ADAMTS18: variants seen among roughly 807,000 people sequenced by gnomAD.
The protein encoded by ADAMTS18 is ADAM metallopeptidase with thrombospondin type 1 motif 18.
A neutral mutation model predicts 165.9 loss-of-function variants in ADAMTS18; 157 were observed. The observed-to-expected ratio is 0.95, with a 90% confidence interval of 0.83 to 1.08. The LOEUF (loss-of-function observed/expected upper bound fraction) is 1.08, where lower values mean the gene tolerates loss of function less well. ADAMTS18 is among the 50% of genes least tolerant of loss of function. The probability of loss-of-function intolerance (pLI) is 0.00; values close to 1 mark genes in which losing one functional copy is unlikely to be tolerated. For missense variants in ADAMTS18, 2,040 were observed against 1,534.0 expected, an observed-to-expected ratio of 1.33 and a Z score of -5.51; for synonymous variants, 782 against 578.2, an observed-to-expected ratio of 1.35 and a Z score of -5.06.
At position 77,335,893 on chromosome 16, in the gene ADAMTS18, T is replaced by G. The variant is rs1244375107; in HGVS notation, c.1722A>C (p.Gln574His). The G allele has an allele frequency of 6.2e-7, 1 of 1,614,086 alleles. No homozygotes were observed. Among genetic ancestry groups the G allele is most frequent in the African/African-American group, 1.3e-5 (1 of 74,932 alleles). Residue 574 changes from glutamine (Q) to histidine (H), a missense_variant, in exon 12 of 23, where the codon CAA becomes CAC. Transcript: ENST00000282849. ...TVCGLSMWCRQGQCVKFGELG... is the reference protein window; with the variant it reads ...TVCGLSMWCRHGQCVKFGELG... The stretch of plus-strand genomic sequence containing the variant: ...GCTCCCCAAACTTTACGCACTGGCC[T>G]TGCCGACACCACTGTGAAAAGAACG...
Position 77,364,227 on chromosome 16 carries a change from C to T in ADAMTS18, c.933G>A (p.Lys311=). 1 of 1,614,042 alleles carries T rather than the reference C, an allele frequency of 6.2e-7. No homozygotes were observed. Among genetic ancestry groups the T allele is most frequent in the Non-Finnish European group, 8.5e-7 (1 of 1,180,004 alleles). The change falls in exon 5 of 23, where the codon AAG becomes AAA. Residue 311 remains lysine (K), a synonymous_variant. Transcript: ENST00000282849. ...TGAGAATGTATGTGGTGACATTTCC[C>T]TTGCCATGCTTTTCCACCATTTTCT... ...ADKKMVEKHG[K]GNVTTYILTV...
chr16:77,287,476 C>T (rs2055276191), intron 22 of ADAMTS18, among the ~76,000 whole-genome samples: 1 of 152,046 alleles, frequency 6.6e-6, no homozygotes, highest in African/African-American at 2.4e-5. Flanking sequence ...CCATGAGGCA[C>T]AGAGAGAAAC....
intron 12 of ADAMTS18, among the ~76,000 whole-genome samples, chr16:77,327,263 G>T (rs2056111155): frequency 6.6e-6 from 1 of 152,100 alleles, no homozygotes; most frequent in South Asian, 2.1e-4. Context: ...TCATTTCTGA[G>T]ATTTTTGTGC....
At chr16:77,304,224 T>C (rs1288052265) in intron 16 of ADAMTS18, among the ~76,000 whole-genome samples, 1 of 152,182 alleles carries the variant, frequency 6.6e-6, no homozygotes, top group Non-Finnish European at 1.5e-5. Flanking sequence ...TTTGGGAAGC[T>C]GAGGCAGTAG....
At position 77,335,770 on chromosome 16, in the gene ADAMTS18, G is replaced by C. The variant is rs779084347; in HGVS notation, c.1845C>G (p.His615Gln). The change falls in exon 12 of 23, where the codon CAC becomes CAG. Residue 615 changes from histidine to glutamine, a missense_variant. By Grantham distance (24) the His-to-Gln change is conservative. Coordinates refer to ENST00000282849, the MANE Select transcript of ADAMTS18 (RefSeq NM_199355.4). ...CGGGVKFQER[H>Q]CNNPKPQYGG... ...TGGAGGCTTACTTGGGGTTATTGCA[G>C]TGTCTCTCCTGGAACTTGACTCCTC... The C allele has an allele frequency of 3.7e-6, 6 of 1,614,226 alleles. No individual in the cohort carries two copies. In the South Asian group the frequency reaches 4.4e-5, roughly 12 times the overall value.
chr16:77,362,041 T>C (rs977316177), intron 7 of ADAMTS18, 64 bp downstream of exon 7: 6 of 1,568,810 alleles, frequency 3.8e-6, no homozygotes, highest in South Asian at 2.2e-5. Flanking sequence ...CCATCATCCA[T>C]AGAAAGTTTC....
Position 77,354,940 on chromosome 16 carries a change from T to C in ADAMTS18, c.1460+1000A>G, listed in dbSNP as rs150922116. On this transcript the variant is annotated intron_variant, in intron 9 of 22. Transcript: ENST00000282849. ...TTTAAAACTAATAGGAAAATCTTCA[T>C]GGCAAAGCTTACTAACAAAAAGTCT... Among the ~76,000 whole-genome samples the C allele has an allele frequency of 5.1e-3, 776 of 152,300 alleles. 12 individuals carry two copies. Among genetic ancestry groups the C allele is most frequent in the African/African-American group, 0.017 (706 of 41,562 alleles).
At chr16:77,416,012 A>C (rs910842056) in intron 3 of ADAMTS18, among the ~76,000 whole-genome samples, 1 of 152,192 alleles carries the variant, frequency 6.6e-6, no homozygotes, top group Non-Finnish European at 1.5e-5. Flanking sequence ...GCTGATATTC[A>C]AGGTGGAAGG....
chr16:77,416,533 C>T (rs766989783), intron 3 of ADAMTS18, among the ~76,000 whole-genome samples: 1 of 152,052 alleles, frequency 6.6e-6, no homozygotes, highest in Non-Finnish European at 1.5e-5. Context: ...ATGGGAGTTC[C>T]CCTGCACAAG....
Position 77,323,028 on chromosome 16 carries a change from G to T in ADAMTS18, c.2033-562C>A, listed in dbSNP as rs367931151. Among the ~76,000 whole-genome samples the T allele has an allele frequency of 7.7e-4, 117 of 152,266 alleles. 2 individuals carry two copies. The South Asian group carries it at 0.023, about 30-fold the overall frequency. ...AGAAAAAAAACCATGTCATAAAAAT[G>T]AAGAGAAAGCAAATAAACTCGTCCT... On this transcript the variant is annotated intron_variant, in intron 13 of 22. Coordinates refer to ENST00000282849, the MANE Select transcript of ADAMTS18 (RefSeq NM_199355.4).
At position 77,308,578 on chromosome 16, in the gene ADAMTS18, G is replaced by GAA. The variant is rs58305642; in HGVS notation, c.2533-8176_2533-8175dup. On this transcript the variant is annotated intron_variant, in intron 16 of 22. Coordinates refer to ENST00000282849, the MANE Select transcript of ADAMTS18 (RefSeq NM_199355.4). Reference sequence around the variant, plus strand: ...CTAAGTGGATACCTTAGCTAATCATGAAAAAAAAAAAAAAAAACTTGTGTA... The same window carrying GAA: ...CTAAGTGGATACCTTAGCTAATCATGAAAAAAAAAAAAAAAAAAACTTGTGTA... 7.5e-5 allele frequency among the ~76,000 whole-genome samples: 11 copies of GAA among 146,462 alleles called. No individual in the cohort carries two copies. In the South Asian group the frequency reaches 1.5e-3, roughly 20 times the overall value.
chr16:77,336,032 G>T (rs1273426272), intron 11 of ADAMTS18, 128 bp from the exon 12 acceptor site: 10 of 1,112,536 alleles, frequency 9.0e-6, no homozygotes, highest in Admixed American at 3.6e-5. Context: ...CTGATACCTT[G>T]ATAAATTCCT....
At chr16:77,355,918 C>G (rs750830151) in intron 9 of ADAMTS18, 22 bp downstream of exon 9, 7 of 1,613,648 alleles carry the variant, frequency 4.3e-6, no homozygotes, top group African/African-American at 4.0e-5. Context: ...CTAGGAGCAC[C>G]CCAGGATTTA....
chr16:77,296,505 ATCTG>A (rs1466958855), intron 18 of ADAMTS18, among the ~76,000 whole-genome samples: 1 of 152,208 alleles, frequency 6.6e-6, no homozygotes, highest in Admixed American at 6.5e-5. Flanking sequence ...TTATTTAAAT[ATCTG>A]TCTGATTCCA....
chr16:77,291,130 T>C (rs1380456833), intron 21 of ADAMTS18, 136 bp downstream of exon 21: 2 of 954,188 alleles, frequency 2.1e-6, no homozygotes, highest in Non-Finnish European at 3.3e-6. Context: ...ACAAAACCCA[T>C]TCTGCCTTCA....
chr16:77,431,192 T>C (rs951450273), intron 3 of ADAMTS18, 103 bp downstream of exon 3: 35 of 1,201,652 alleles, frequency 2.9e-5, no homozygotes, highest in Admixed American at 2.5e-4. Flanking sequence ...ACAGTGTGAA[T>C]GTGTGGAGTT....
intron 10 of ADAMTS18, among the ~76,000 whole-genome samples, chr16:77,342,957 G>A (rs1479999765): frequency 6.6e-6 from 1 of 152,176 alleles, no homozygotes; most frequent in Non-Finnish European, 1.5e-5. Context: ...GAAGATGAAG[G>A]AGGGGCCATG....
At chr16:77,404,550 G>A (rs1019905180) in intron 3 of ADAMTS18, among the ~76,000 whole-genome samples, 1 of 152,152 alleles carries the variant, frequency 6.6e-6, no homozygotes, top group African/African-American at 2.4e-5. Context: ...ATCAACACTG[G>A]AAATAAGAGC....
chr16:77,374,804 G>C (rs2056925743), intron 3 of ADAMTS18, among the ~76,000 whole-genome samples: 1 of 152,070 alleles, frequency 6.6e-6, no homozygotes, highest in Non-Finnish European at 1.5e-5. Flanking sequence ...CAAACACTTT[G>C]TCTCACATAG....
Sources: allele counts gnomAD v4.1 joint callset (sites outside exome capture counted in the v4.1 genomes callset), GRCh38; gene constraint gnomAD v4.1.1; transcripts MANE v1.5; gene names NCBI Gene and HGNC (gene_info 2026-07-23, HGNC 2026-07-21).